SPTLC1: variants seen among roughly 807,000 people sequenced by gnomAD.
SPTLC1 encodes the protein serine palmitoyltransferase long chain base subunit 1.
In SPTLC1, 55 loss-of-function variants were observed where a neutral mutation model predicts 68.9. The ratio of observed to expected loss-of-function variants is 0.80; its 90% CI spans 0.64 to 1.00. The LOEUF is 1.00. Ranked by LOEUF, SPTLC1 falls within the 50% of genes least tolerant of loss-of-function variation. SPTLC1 has a pLI of 0.00. For synonymous variants in SPTLC1, 197 were observed against 201.6 expected (o/e 0.98, Z 0.19); for missense variants, 449 against 573.1 (o/e 0.78, Z 2.21).
intron 12 of SPTLC1, among the ~76,000 whole-genome samples, chr9:92,042,670 T>G (rs1833392653): frequency 6.6e-6 from 1 of 152,152 alleles, no homozygotes; most frequent in Non-Finnish European, 1.5e-5. Context: ...ATCAGAAAAT[T>G]TAATGCAGTT....
chr9:92,078,097 C>T (rs1409770954), intron 5 of SPTLC1, among the ~76,000 whole-genome samples: 1 of 152,138 alleles, frequency 6.6e-6, no homozygotes, highest in Admixed American at 6.5e-5. Context: ...ACCTCTGAAC[C>T]TCTTTCAATG....
chr9:92,058,345 T>C (rs1476327123), intron 7 of SPTLC1, among the ~76,000 whole-genome samples: 2 of 152,144 alleles, frequency 1.3e-5, no homozygotes, highest in Non-Finnish European at 2.9e-5. Flanking sequence ...AATTAAGAAA[T>C]GTGATGAGCA....
intron 6 of SPTLC1, among the ~76,000 whole-genome samples, chr9:92,063,622 C>G (rs35320506): frequency 6.6e-6 from 1 of 151,828 alleles, no homozygotes; most frequent in African/African-American, 2.4e-5. Flanking sequence ...ACTGGCAAAT[C>G]GAATTTAGCT....
chr9:92,106,810 C>T (rs1312582231), intron 3 of SPTLC1, among the ~76,000 whole-genome samples: 2 of 152,168 alleles, frequency 1.3e-5, no homozygotes, highest in Non-Finnish European at 2.9e-5. Flanking sequence ...CCTCTGACCT[C>T]TGACCCATGC....
chr9:92,059,258 C>T lies in SPTLC1; in HGVS notation c.611G>A (p.Ser204Asn), dbSNP rs1161004751. 1 of 1,614,064 alleles carries T rather than the reference C, an allele frequency of 6.2e-7. No individual in the cohort carries two copies. The highest frequency in any genetic ancestry group is 8.5e-7 in the Non-Finnish European group (1 of 1,179,992). ...AIQKGLQASRSDIKLFKHNDM... is the reference protein window; with the variant it reads ...AIQKGLQASRNDIKLFKHNDM... ...ATTATGCTTAAATAACTTAATGTCA[C>T]TACGGGATGCCTGTAATCCTTTCTG... Residue 204 changes from serine to asparagine, a missense_variant, in exon 7 of 15, where the codon AGT (serine) becomes AAT (asparagine). Physicochemically the swap from Ser to Asn is conservative, Grantham distance 46. Around this residue, in one of 3 missense-constraint regions of SPTLC1, gnomAD observed 391 missense variants for 472.1 expected, o/e 0.83. Transcript: ENST00000262554.
At chr9:92,105,449 T>G (rs1482802617) in intron 3 of SPTLC1, 1 of 1,277,974 alleles carries the variant, frequency 7.8e-7, no homozygotes, top group East Asian at 2.5e-5. Context: ...CCCACGCCTG[T>G]AATCCAGCAC....
At chr9:92,094,806 G>A (rs769562803) in intron 3 of SPTLC1, among the ~76,000 whole-genome samples, 20 of 152,218 alleles carry the variant, frequency 1.3e-4, no homozygotes, top group Non-Finnish European at 2.4e-4. Flanking sequence ...CCATTTCTCC[G>A]GCTATCAGTT....
chr9:92,099,108 T>C (rs1223182193), intron 3 of SPTLC1, among the ~76,000 whole-genome samples: 1 of 152,174 alleles, frequency 6.6e-6, no homozygotes, highest in Non-Finnish European at 1.5e-5. Flanking sequence ...GTCATAAAAA[T>C]ATAACCACTA....
At position 92,108,679 on chromosome 9, in the gene SPTLC1, T is replaced by C. The variant is rs1405153477; in HGVS notation, c.260+61A>G. 5 of 1,586,780 alleles carry C rather than the reference T, an allele frequency of 3.2e-6. No individual in the cohort carries two copies. In the African/African-American group the frequency reaches 4.0e-5, roughly 13 times the overall value. ...AAGGACTACTACATATAAAGCACTA[T>C]AGACTGCAGGTTACTACAAGAAGCC... On this transcript the variant is annotated intron_variant, in intron 3 of 14. Transcript: ENST00000262554.
chr9:92,040,762 G>GAA (rs111600312), intron 12 of SPTLC1, among the ~76,000 whole-genome samples: 2 of 85,408 alleles, frequency 2.3e-5, no homozygotes, highest in Non-Finnish European at 2.5e-5. Context: ...TGTCTCAAAA[G>GAA]AAAAAAAAAA....
rs1171838119 is a variant in SPTLC1, at chr9:92,049,863, G to C, written c.888+97C>G. 9.9e-6 allele frequency: 9 copies of C among 905,140 alleles called. No individual in the cohort carries two copies. In the East Asian group the frequency reaches 1.9e-4, roughly 20 times the overall value. The allele number at this position is 905,140 out of a possible 1,614,324, so 56.1% of individuals were successfully genotyped here. A position where few individuals can be genotyped will look rare whatever the true frequency, so the allele number is the denominator to read the frequency against. On this transcript the variant is annotated intron_variant, in intron 9 of 14. Coordinates refer to ENST00000262554, the MANE Select transcript of SPTLC1 (RefSeq NM_006415.4). Reference sequence around the variant, plus strand: ...GTTTCGTGACCCTTCAAACTGATAAGGAACACTGTCTTGTGCCTATAAAAA... The same window carrying C: ...GTTTCGTGACCCTTCAAACTGATAACGAACACTGTCTTGTGCCTATAAAAA...
At chr9:92,101,471 A>C (rs1398314328) in intron 3 of SPTLC1, among the ~76,000 whole-genome samples, 1 of 145,770 alleles carries the variant, frequency 6.9e-6, no homozygotes, top group Admixed American at 7.0e-5. Context: ...CTGAGGCAGG[A>C]GAATGGCGTG....
intron 12 of SPTLC1, among the ~76,000 whole-genome samples, chr9:92,043,597 C>T (rs1008871940): frequency 1.3e-5 from 2 of 152,140 alleles, no homozygotes; most frequent in African/African-American, 4.8e-5. Context: ...TTCTCTTTCT[C>T]ACTCACCCTG....
intron 3 of SPTLC1, among the ~76,000 whole-genome samples, chr9:92,100,894 T>G (rs761427252): frequency 5.3e-5 from 8 of 150,178 alleles, no homozygotes; most frequent in African/African-American, 1.2e-4. Context: ...TGTGTCCTCC[T>G]AGAACTAAAG....
chr9:92,079,077 T>C, intron 5 of SPTLC1: 1 of 854,288 alleles, frequency 1.2e-6, no homozygotes, highest in African/African-American at 1.8e-5. Flanking sequence ...TAAACAATTT[T>C]ATTTATTTAT....
In SPTLC1 at chr9:92,038,342, C is replaced by G. The variant is rs119482084; in HGVS notation, c.1160G>C (p.Gly387Ala). The change falls in exon 13 of 15, where the codon GGG becomes GCG. Residue 387 changes from glycine to alanine, a missense_variant. By Grantham distance (60) the Gly-to-Ala change is moderately conservative. Transcript: ENST00000262554. ...GTGAAAGGCTGGAGAAAGGGACTCC[C>G]CCACCACTTTTAATCCAGAAATGCT... ...LQGISGLKVVGESLSPAFHLQ... is the reference protein window; with the variant it reads ...LQGISGLKVVAESLSPAFHLQ... 5.6e-4 allele frequency: 898 copies of G among 1,613,624 alleles called. No homozygotes were observed. The highest frequency in any genetic ancestry group is 9.9e-4 in the Middle Eastern group (6 of 6,062).
rs142882138 is a variant in SPTLC1 at position 92,096,925 on chromosome 9, T to A, written c.260+11815A>T. 7.5e-4 allele frequency among the ~76,000 whole-genome samples: 114 copies of A among 152,098 alleles called. 2 individuals carry two copies. The East Asian group carries it at 0.019, about 25-fold the overall frequency. On this transcript the variant is annotated intron_variant, in intron 3 of 14. Coordinates refer to ENST00000262554, the MANE Select transcript of SPTLC1 (RefSeq NM_006415.4). Reference sequence around the variant, plus strand: ...AAAAAAAAAATCTGCAAATCATATATCTGACAAGGGACTAGGATTCAAAAT... The same window carrying A: ...AAAAAAAAAATCTGCAAATCATATAACTGACAAGGGACTAGGATTCAAAAT...
intron 5 of SPTLC1, among the ~76,000 whole-genome samples, chr9:92,076,185 C>G (rs2118652436): frequency 6.6e-6 from 1 of 152,320 alleles, no homozygotes; most frequent in Middle Eastern, 3.4e-3. Flanking sequence ...GCCACCCTGT[C>G]AACTGGGCAG....
At chr9:92,079,600 C>A (rs774218535) in intron 5 of SPTLC1, 5 of 1,555,408 alleles carry the variant, frequency 3.2e-6, no homozygotes, top group African/African-American at 1.4e-5. Context: ...GTTTATCCCC[C>A]CTCCCTCCAC....
Sources: gnomAD v4.1 joint callset for allele counts (sites outside exome capture counted in the v4.1 genomes callset) on GRCh38, gnomAD v4.1.1 for gene constraint, gnomAD v4.1.1 regional missense constraint, MANE v1.5 for transcripts, NCBI Gene and HGNC (gene_info 2026-07-23, HGNC 2026-07-21) for gene names.